AFAP1L1: variants seen among roughly 807,000 people sequenced by gnomAD.
The protein encoded by AFAP1L1 is actin filament-associated protein 1-like 1.
AFAP1L1 carries 77 observed loss-of-function variants against 99.8 expected under a neutral mutation model. That is an observed-to-expected ratio of 0.77 (90% CI 0.64 to 0.93). The LOEUF (loss-of-function observed/expected upper bound fraction) is 0.93, where lower values mean the gene tolerates loss of function less well. AFAP1L1 is among the 40% of genes least tolerant of loss of function. The pLI is 0.00. For synonymous variants in AFAP1L1, 373 were observed against 395.3 expected (o/e 0.94, Z 0.67); for missense variants, 893 against 996.8 (o/e 0.90, Z 1.40).
At chr5:149,317,690 G>C (rs1561678761) in intron 11 of AFAP1L1, 39 bp from the exon 12 acceptor site, 2 of 1,605,874 alleles carry the variant, frequency 1.2e-6, no homozygotes, top group Non-Finnish European at 1.7e-6. Flanking sequence ...TGCTGTCCCA[G>C]GGCAGGCTAT....
chr5:149,335,483 C>A, intron 17 of AFAP1L1, 111 bp from the exon 18 acceptor site: 1 of 1,397,008 alleles, frequency 7.2e-7, no homozygotes, highest in East Asian at 2.4e-5. Context: ...GACTCTGTCT[C>A]AAAAATAAAA....
At chr5:149,321,063 G>C (rs1314173283) in intron 14 of AFAP1L1, among the ~76,000 whole-genome samples, 1 of 152,228 alleles carries the variant, frequency 6.6e-6, no homozygotes, top group African/African-American at 2.4e-5. Flanking sequence ...GGTGGGTCAG[G>C]CCTCACAGTT....
chr5:149,298,783 A>G (rs1756093712), intron 1 of AFAP1L1, among the ~76,000 whole-genome samples: 1 of 152,170 alleles, frequency 6.6e-6, no homozygotes, highest in African/African-American at 2.4e-5. Flanking sequence ...GGATCTTGCA[A>G]CTCAGATGGT....
At chr5:149,302,674 C>A in intron 5 of AFAP1L1, 148 bp downstream of exon 5, 1 of 690,232 alleles carries the variant, frequency 1.4e-6, no homozygotes, top group South Asian at 2.2e-5. Flanking sequence ...CTACCCTGGG[C>A]ACCTGGCCTC....
At chr5:149,328,183 A>G (rs879559659) in intron 15 of AFAP1L1, among the ~76,000 whole-genome samples, 1 of 152,218 alleles carries the variant, frequency 6.6e-6, no homozygotes, top group East Asian at 1.9e-4. Flanking sequence ...TGTCAGGAAC[A>G]GATTTTTGCA....
intron 3 of AFAP1L1, 73 bp downstream of exon 3, chr5:149,300,427 C>G: frequency 7.3e-7 from 1 of 1,369,304 alleles, no homozygotes; most frequent in Non-Finnish European, 1.0e-6. Context: ...GGTCCCCCGA[C>G]TGGGCTGGGC....
chr5:149,306,303 C>T lies in AFAP1L1; in HGVS notation c.437-3C>T, dbSNP rs754125774. The T allele has an allele frequency of 2.4e-5, 39 of 1,611,166 alleles. No homozygotes were observed. The highest frequency in any genetic ancestry group is 2.5e-6 in the Non-Finnish European group (3 of 1,178,610). ...AAGTGCAGCTCTTTCTGACAACCCA[C>T]AGATGGCTGCAGCCCCTCACACTCG... On this transcript the variant is annotated splice_polypyrimidine_tract_variant and splice_region_variant and intron_variant, in intron 5 of 18. Coordinates refer to ENST00000296721, the MANE Select transcript of AFAP1L1 (RefSeq NM_152406.4).
intron 9 of AFAP1L1, among the ~76,000 whole-genome samples, chr5:149,315,085 TC>T (rs1228094104): frequency 6.6e-6 from 1 of 152,216 alleles, no homozygotes; most frequent in Non-Finnish European, 1.5e-5. Flanking sequence ...CATCATTGCT[TC>T]CACTCTACAT....
intron 5 of AFAP1L1, 37 bp from the exon 6 acceptor site, chr5:149,306,269 A>G (rs1027156846): frequency 1.9e-6 from 3 of 1,577,974 alleles, no homozygotes; most frequent in Middle Eastern, 1.7e-4. Context: ...GTCTGCCTGC[A>G]TTTCTCCAAA....
intron 1 of AFAP1L1, chr5:149,276,906 G>A (rs1192996902): frequency 1.3e-5 from 2 of 152,138 alleles, no homozygotes. Flanking sequence ...TCAATAACTG[G>A]ACCACTGTCC....
chr5:149,277,359 G>T (rs1581282071), intron 1 of AFAP1L1, among the ~76,000 whole-genome samples: 1 of 152,284 alleles, frequency 6.6e-6, no homozygotes, highest in African/African-American at 2.4e-5. Flanking sequence ...AATCCATTCT[G>T]CCTGTGTCTT....
At chr5:149,306,275 C>T (rs2127595703) in intron 5 of AFAP1L1, 31 bp from the exon 6 acceptor site, 3 of 1,586,530 alleles carry the variant, frequency 1.9e-6, no homozygotes, top group East Asian at 2.3e-5. Context: ...CTGCATTTCT[C>T]CAAAGTGCAG....
intron 1 of AFAP1L1, among the ~76,000 whole-genome samples, chr5:149,294,877 A>G (rs950559756): frequency 6.6e-6 from 1 of 152,152 alleles, no homozygotes. Flanking sequence ...AAGTCTTCTG[A>G]TGGAGCATTC....
intron 15 of AFAP1L1, among the ~76,000 whole-genome samples, chr5:149,326,449 G>T (rs1004045867): frequency 6.7e-6 from 1 of 150,350 alleles, no homozygotes; most frequent in African/African-American, 2.5e-5. Context: ...TGAGGCACAA[G>T]AATCGCTTGA....
At chr5:149,289,070 C>G (rs541349856) in intron 1 of AFAP1L1, among the ~76,000 whole-genome samples, 4 of 152,336 alleles carry the variant, frequency 2.6e-5, no homozygotes, top group Non-Finnish European at 4.4e-5. Flanking sequence ...CTCATTTCCC[C>G]CTCACACAAA....
chr5:149,332,763 C>T lies in AFAP1L1; in HGVS notation c.2044C>T (p.Arg682Cys), dbSNP rs764602529. The T allele has an allele frequency of 8.7e-6, 14 of 1,613,646 alleles. No homozygotes were observed. The highest frequency in any genetic ancestry group is 3.3e-5 in the South Asian group (3 of 91,060). The change falls in exon 17 of 19, where the codon CGC (arginine) becomes TGC (cysteine). Residue 682 changes from arginine (R) to cysteine (C), a missense_variant. Arg to Cys is a radical substitution (Grantham distance 180). Coordinates refer to ENST00000296721, the MANE Select transcript of AFAP1L1 (RefSeq NM_152406.4). Reference protein sequence around the residue: ...LEAQCRAKEERRIDLELKLVA... With the variant: ...LEAQCRAKEECRIDLELKLVA... Reference sequence around the variant, plus strand: ...AGCTCAGTGTCGGGCAAAGGAGGAGCGCCGGATTGACCTGGAGCTGAAGCT... The same window carrying T: ...AGCTCAGTGTCGGGCAAAGGAGGAGTGCCGGATTGACCTGGAGCTGAAGCT...
At chr5:149,282,931 T>C (rs550562349) in intron 1 of AFAP1L1, among the ~76,000 whole-genome samples, 2 of 152,164 alleles carry the variant, frequency 1.3e-5, no homozygotes, top group Non-Finnish European at 2.9e-5. Flanking sequence ...CTCAGAAACC[T>C]TTTGCAAACA....
intron 17 of AFAP1L1, among the ~76,000 whole-genome samples, chr5:149,333,608 A>C (rs1357174750): frequency 6.6e-6 from 1 of 152,206 alleles, no homozygotes; most frequent in Admixed American, 6.5e-5. Context: ...AGCGCTTCTC[A>C]ACCCCAACAC....
chr5:149,306,243 A>C (rs1756406283), intron 5 of AFAP1L1, 63 bp from the exon 6 acceptor site: 10 of 1,422,256 alleles, frequency 7.0e-6, no homozygotes, highest in African/African-American at 1.4e-5. Context: ...GGTCTCCCCC[A>C]GTCCTGGCCC....
Sources: allele counts gnomAD v4.1 joint callset (sites outside exome capture counted in the v4.1 genomes callset), GRCh38; gene constraint gnomAD v4.1.1; transcripts MANE v1.5; gene names NCBI Gene and HGNC (gene_info 2026-07-23, HGNC 2026-07-21).